The following TRPC4 variants were observed in gnomAD, a reference collection of about 807,000 sequenced individuals.
The protein encoded by TRPC4 is transient receptor potential cation channel subfamily C member 4.
In TRPC4, 49 loss-of-function variants were observed where a neutral mutation model predicts 99.4. That is an observed-to-expected ratio of 0.49 (90% confidence interval 0.39 to 0.63). The LOEUF (loss-of-function observed/expected upper bound fraction) is 0.63, where lower values mean the gene tolerates loss of function less well. Among genes scored for constraint, TRPC4 ranks in the 20% least tolerant of loss-of-function variants. The pLI is 0.00. For missense variants in TRPC4, 898 were observed against 1,152.9 expected (o/e 0.78, Z 3.20); for synonymous variants, 454 against 425.9 (o/e 1.07, Z -0.81).
chr13:37,684,582 G>A (rs1418710518), intron 4 of TRPC4, among the ~76,000 whole-genome samples: 1 of 152,000 alleles, frequency 6.6e-6, no homozygotes, highest in Non-Finnish European at 1.5e-5. Flanking sequence ...ATGTAGATAG[G>A]AAGACAAGGA....
At chr13:37,834,016 T>C (rs1030963666) in intron 1 of TRPC4, among the ~76,000 whole-genome samples, 44 of 152,194 alleles carry the variant, frequency 2.9e-4, no homozygotes, top group Admixed American at 2.9e-3. Flanking sequence ...TTTTTATTCA[T>C]TGGAATACTA....
intron 2 of TRPC4, among the ~76,000 whole-genome samples, chr13:37,775,415 T>TA (rs397961576): frequency 2.0e-4 from 30 of 151,358 alleles, no homozygotes; most frequent in Non-Finnish European, 3.7e-4. Flanking sequence ...TGTTTTTTTT[T>TA]AATTTCCAAC....
At chr13:37,811,983 C>G (rs1250900215) in intron 1 of TRPC4, among the ~76,000 whole-genome samples, 1 of 151,516 alleles carries the variant, frequency 6.6e-6, no homozygotes, top group African/African-American at 2.4e-5. Context: ...GCCAACATGG[C>G]AAAACACCGT....
At chr13:37,848,030 C>A (rs903772030) in intron 1 of TRPC4, among the ~76,000 whole-genome samples, 6 of 152,096 alleles carry the variant, frequency 3.9e-5, no homozygotes, top group African/African-American at 2.4e-5. Context: ...CTACAACTTA[C>A]AATGGTTCAA....
intron 1 of TRPC4, among the ~76,000 whole-genome samples, chr13:37,802,142 G>T (rs1957422711): frequency 6.6e-6 from 1 of 151,992 alleles, no homozygotes; most frequent in Admixed American, 6.6e-5. Flanking sequence ...CAAACTTACA[G>T]AACTGTTGCA....
intron 4 of TRPC4, among the ~76,000 whole-genome samples, chr13:37,685,212 C>G (rs974345074): frequency 2.0e-5 from 3 of 152,096 alleles, no homozygotes; most frequent in Non-Finnish European, 4.4e-5. Flanking sequence ...CAAATAGAAG[C>G]GAAGAAGTCT....
chr13:37,738,465 C>T (rs558300092), intron 3 of TRPC4, among the ~76,000 whole-genome samples: 91 of 152,176 alleles, frequency 6.0e-4, no homozygotes, highest in African/African-American at 2.1e-3. Context: ...AAACCCTAAC[C>T]GATAATTTTA....
intron 8 of TRPC4, among the ~76,000 whole-genome samples, chr13:37,644,490 AGGTAGAATTATAGCAT>A (rs1385721822): frequency 1.3e-5 from 2 of 152,190 alleles, no homozygotes; most frequent in Non-Finnish European, 2.9e-5. Context: ...ATAATAACTT[AGGTAGAATTATAGCAT>A]GGTAGACCTG....
chr13:37,844,658 T>C (rs1457281053), intron 1 of TRPC4, among the ~76,000 whole-genome samples: 7 of 152,044 alleles, frequency 4.6e-5, no homozygotes, highest in Non-Finnish European at 8.8e-5. Flanking sequence ...GATGCTCTCG[T>C]TAAGCTTTTT....
intron 5 of TRPC4, among the ~76,000 whole-genome samples, chr13:37,664,528 C>T (rs1952570455): frequency 1.3e-5 from 2 of 151,722 alleles, no homozygotes; most frequent in South Asian, 2.1e-4. Flanking sequence ...GAGCTGAGAT[C>T]ACGCCATTGC....
chr13:37,815,370 T>C (rs1028550655), intron 1 of TRPC4, among the ~76,000 whole-genome samples: 1 of 151,816 alleles, frequency 6.6e-6, no homozygotes, highest in African/African-American at 2.4e-5. Flanking sequence ...GTCTACAAGA[T>C]ACCCATCTCA....
In TRPC4 at chr13:37,663,711, G is replaced by T; in HGVS notation, c.1393C>A (p.Arg465=). 1 of 1,613,688 alleles carries T rather than the reference G, an allele frequency of 6.2e-7. No individual in the cohort carries two copies. The highest frequency in any genetic ancestry group is 8.5e-7 in the Non-Finnish European group (1 of 1,179,816). Residue 465 remains arginine (R), a synonymous_variant, in exon 6 of 11, where the codon CGA becomes AGA. Coordinates refer to ENST00000379705, the MANE Select transcript of TRPC4 (RefSeq NM_016179.4). ...AFVKYSALNP[R]ESWDMWHPTL... ...GGATGCCACATGTCCCATGATTCTC[G>T]TGGATTAAGGGCACTGTACTGGAAA...
intron 4 of TRPC4, among the ~76,000 whole-genome samples, chr13:37,685,818 T>TA (rs1395088162): frequency 6.6e-6 from 1 of 152,136 alleles, no homozygotes; most frequent in East Asian, 1.9e-4. Flanking sequence ...TGTTCAGCAT[T>TA]AATAGGGGCA....
chr13:37,735,293 C>T (rs898403897), intron 3 of TRPC4, among the ~76,000 whole-genome samples: 3 of 151,998 alleles, frequency 2.0e-5, no homozygotes, highest in East Asian at 1.9e-4. Context: ...AAGTTTCTTG[C>T]GAACTATAAC....
intron 3 of TRPC4, among the ~76,000 whole-genome samples, chr13:37,723,004 T>C (rs1429237112): frequency 6.6e-6 from 1 of 152,142 alleles, no homozygotes; most frequent in Non-Finnish European, 1.5e-5. Flanking sequence ...TGTTGACTAG[T>C]ACTTAATGGG....
At position 37,845,098 on chromosome 13, in the gene TRPC4, A is replaced by C. The variant is rs542480943; in HGVS notation, c.-28+24497T>G. On this transcript the variant is annotated intron_variant, in intron 1 of 10. Transcript: ENST00000379705. ...ATACCATTCAAATTCAGAGCACAAG[A>C]ATCCACCCAGTCTAATTAGAGAACC... is the stretch of plus-strand genomic sequence containing the variant. Among the ~76,000 whole-genome samples the C allele has an allele frequency of 2.0e-5, 3 of 152,298 alleles. No individual in the cohort carries two copies. In the South Asian group the frequency reaches 6.2e-4, roughly 32 times the overall value.
At chr13:37,762,189 C>T (rs912770358) in intron 2 of TRPC4, among the ~76,000 whole-genome samples, 11 of 151,740 alleles carry the variant, frequency 7.2e-5, no homozygotes, top group African/African-American at 2.7e-4. Context: ...CTGACTTCTA[C>T]AATGGTTGAA....
At chr13:37,681,262 A>G (rs1322730517) in intron 4 of TRPC4, among the ~76,000 whole-genome samples, 5 of 152,198 alleles carry the variant, frequency 3.3e-5, no homozygotes, top group African/African-American at 9.6e-5. Context: ...GAGATCAAGG[A>G]GGAGACATTA....
At chr13:37,813,362 A>G (rs988769402) in intron 1 of TRPC4, among the ~76,000 whole-genome samples, 1 of 151,724 alleles carries the variant, frequency 6.6e-6, no homozygotes, top group Non-Finnish European at 1.5e-5. Context: ...ATATTAAATC[A>G]AAGCAAGCAG....
Sources: allele counts gnomAD v4.1 joint callset (sites outside exome capture counted in the v4.1 genomes callset), GRCh38; gene constraint gnomAD v4.1.1; transcripts MANE v1.5; gene names NCBI Gene and HGNC (gene_info 2026-07-23, HGNC 2026-07-21).